SETX: variants seen among roughly 807,000 people sequenced by gnomAD.
The protein encoded by SETX is senataxin.
Under a neutral mutation model 227.2 loss-of-function variants are expected in SETX, and 90 were observed. That is an observed-to-expected ratio of 0.40 (90% CI 0.33 to 0.47). SETX has a LOEUF of 0.47. SETX is among the 20% of genes least tolerant of loss of function. The pLI, the probability that SETX is intolerant of heterozygous loss-of-function variation, is 0.91. For synonymous variants in SETX, 1,210 were observed against 1,113.2 expected (o/e 1.09, Z -1.73); for missense variants, 3,052 against 3,181.5 (o/e 0.96, Z 0.98).
intron 10 of SETX, among the ~76,000 whole-genome samples, chr9:132,325,342 C>A (rs1038276976): frequency 6.6e-6 from 1 of 151,196 alleles, no homozygotes; most frequent in East Asian, 2.0e-4. Flanking sequence ...GGCGACAGAG[C>A]GAGACTCGTC....
chr9:132,272,340 G>A (rs1286250953), intron 23 of SETX, among the ~76,000 whole-genome samples: 1 of 151,786 alleles, frequency 6.6e-6, no homozygotes, highest in Admixed American at 6.6e-5. Context: ...GTAGAGATGG[G>A]GTCTTGCCAT....
chr9:132,324,333 G>A (rs4962177), intron 10 of SETX, among the ~76,000 whole-genome samples: 113,944 of 152,004 alleles, frequency 0.75, 43,995 homozygotes, highest in Non-Finnish European at 0.84. Context: ...TTAACATAAA[G>A]TACATTGATG....
At chr9:132,334,797 A>G in intron 6 of SETX, 70 bp from the exon 7 acceptor site, 1 of 1,532,344 alleles carries the variant, frequency 6.5e-7, no homozygotes, top group South Asian at 1.1e-5. Context: ...TTAGTTTGCA[A>G]AAGAATAACA....
intron 15 of SETX, among the ~76,000 whole-genome samples, chr9:132,293,354 T>C (rs1003354039): frequency 2.6e-5 from 4 of 152,088 alleles, no homozygotes; most frequent in Admixed American, 1.3e-4. Flanking sequence ...CCACAGGAAA[T>C]AGTGAAAATG....
upstream of SETX, among the ~76,000 whole-genome samples, chr9:132,356,295 T>G (rs1294695238): frequency 6.6e-6 from 1 of 151,878 alleles, no homozygotes; most frequent in Non-Finnish European, 1.5e-5. Context: ...CTCCGCCTCC[T>G]GGGTTCAAAT....
At chr9:132,348,250 T>C (rs1433512819) in intron 3 of SETX, among the ~76,000 whole-genome samples, 1 of 151,010 alleles carries the variant, frequency 6.6e-6, no homozygotes, top group African/African-American at 2.4e-5. Flanking sequence ...TCCCAGCTAC[T>C]TGGGAGGCTG....
intron 2 of SETX, among the ~76,000 whole-genome samples, chr9:132,353,357 C>A (rs908415324): frequency 6.6e-6 from 1 of 152,216 alleles, no homozygotes; most frequent in Admixed American, 6.5e-5. Context: ...GAATACACAT[C>A]AGACTTACCT....
intron 20 of SETX, among the ~76,000 whole-genome samples, chr9:132,279,742 C>T (rs924464307): frequency 2.0e-5 from 3 of 152,102 alleles, no homozygotes; most frequent in African/African-American, 7.2e-5. Flanking sequence ...TTTGGGGAAA[C>T]AGAAAAGGAA....
chr9:132,294,601 A>G (rs1844556804), intron 15 of SETX, among the ~76,000 whole-genome samples: 1 of 152,246 alleles, frequency 6.6e-6, no homozygotes, highest in Admixed American at 6.5e-5. Flanking sequence ...TAAAGATGAC[A>G]TGTTCCAGCC....
chr9:132,291,161 T>C (rs976388359), intron 15 of SETX, among the ~76,000 whole-genome samples: 2 of 90,486 alleles, frequency 2.2e-5, no homozygotes, highest in East Asian at 5.2e-4. Flanking sequence ...TTGAAAACCT[T>C]TTTTTTTTTT....
chr9:132,282,579 CAT>C lies in SETX; in HGVS notation c.6546+683_6546+684del, dbSNP rs1843605857. Among the ~76,000 whole-genome samples, 3 of 152,248 alleles carry C rather than the reference CAT, an allele frequency of 2.0e-5. 1 individual carries two copies. The East Asian group carries it at 5.8e-4, about 29-fold the overall frequency. The stretch of plus-strand genomic sequence containing the variant: ...TGCCAGGATTACAGGTGTGCACCAC[CAT>C]GCCCAGGCCCTTTTCAAAACTTTGT... On this transcript the variant is annotated intron_variant, in intron 19 of 25. Transcript: ENST00000224140.
Position 132,327,414 on chromosome 9 carries a change from T to A in SETX, c.4184A>T (p.Asp1395Val), listed in dbSNP as rs189932712. The change falls in exon 10 of 26, where the codon GAT (aspartate) becomes GTT (valine). Residue 1395 changes from aspartate to valine, a missense_variant. By Grantham distance (152) the Asp-to-Val change is radical. Coordinates refer to ENST00000224140, the MANE Select transcript of SETX (RefSeq NM_015046.7). ...DIFVPESDRS[D>V]YNCTGGTEVL... is the part of the protein sequence containing the mutation. ...CTCAGTTCCTCCTGTACAATTATAATCTGACCTATCAGATTCTGGTACAAA... is the reference window on the plus strand; with the variant it reads ...CTCAGTTCCTCCTGTACAATTATAAACTGACCTATCAGATTCTGGTACAAA... 4.3e-6 allele frequency: 7 copies of A among 1,614,196 alleles called. No individual in the cohort carries two copies. Among genetic ancestry groups the A allele is most frequent in the Non-Finnish European group, 5.1e-6 (6 of 1,180,008 alleles).
chr9:132,347,710 T>C (rs1848369938), intron 3 of SETX, among the ~76,000 whole-genome samples: 2 of 151,902 alleles, frequency 1.3e-5, no homozygotes, highest in African/African-American at 4.8e-5. Context: ...CTCTGTCAAA[T>C]GCAAAACCGA....
At chr9:132,315,191 A>G (rs1184706369) in intron 10 of SETX, among the ~76,000 whole-genome samples, 1 of 152,196 alleles carries the variant, frequency 6.6e-6, no homozygotes, top group East Asian at 1.9e-4. Context: ...TGTTGGGATT[A>G]CAGGCGTGAG....
intron 22 of SETX, among the ~76,000 whole-genome samples, chr9:132,276,222 T>C (rs1049718756): frequency 6.6e-6 from 1 of 152,138 alleles, no homozygotes; most frequent in African/African-American, 2.4e-5. Flanking sequence ...ATCTCTTCCA[T>C]CCCTGAAATC....
At chr9:132,340,951 C>G (rs1410539292) in intron 5 of SETX, among the ~76,000 whole-genome samples, 17 of 152,160 alleles carry the variant, frequency 1.1e-4, no homozygotes, top group Admixed American at 1.1e-3. Flanking sequence ...TTCCATAGTG[C>G]CTCCCACAGG....
At chr9:132,323,714 C>A (rs1846523326) in intron 10 of SETX, among the ~76,000 whole-genome samples, 1 of 152,048 alleles carries the variant, frequency 6.6e-6, no homozygotes, top group African/African-American at 2.4e-5. Context: ...CCAGCCTAGG[C>A]AACATGGGAA....
In SETX at chr9:132,276,706, T is replaced by G. The variant is rs1404130993; in HGVS notation, c.6935+354A>C. Among the ~76,000 whole-genome samples, 6 of 152,154 alleles carry G rather than the reference T, an allele frequency of 3.9e-5. No homozygotes were observed. In the South Asian group the frequency reaches 1.0e-3, roughly 26 times the overall value. ...TCCTTCCTCCCTTTCACATTTTCATTCAACTGAATTTATACTTAGCCTTCA... is the reference window on the plus strand; with the variant it reads ...TCCTTCCTCCCTTTCACATTTTCATGCAACTGAATTTATACTTAGCCTTCA... On this transcript the variant is annotated intron_variant, in intron 22 of 25. Coordinates refer to ENST00000224140, the MANE Select transcript of SETX (RefSeq NM_015046.7).
chr9:132,310,838 T>G (rs1845608351), intron 11 of SETX, among the ~76,000 whole-genome samples: 1 of 152,358 alleles, frequency 6.6e-6, no homozygotes, highest in African/African-American at 2.4e-5. Context: ...GATGTAGACC[T>G]TTATGATGAT....
Sources: gnomAD v4.1 joint callset for allele counts (sites outside exome capture counted in the v4.1 genomes callset) on GRCh38, gnomAD v4.1.1 for gene constraint, MANE v1.5 for transcripts, NCBI Gene and HGNC (gene_info 2026-07-23, HGNC 2026-07-21) for gene names.